CCNY: variants seen among roughly 807,000 people sequenced by gnomAD.
CCNY encodes the protein cyclin Y, also known as cyclin-Y.
Under a neutral mutation model 42.8 loss-of-function variants are expected in CCNY, and 19 were observed. That is an observed-to-expected ratio of 0.44 (90% CI 0.31 to 0.65). The LOEUF (loss-of-function observed/expected upper bound fraction) is 0.65, where lower values mean the gene tolerates loss of function less well. Ranked by LOEUF, CCNY falls within the 30% of genes least tolerant of loss-of-function variation. The pLI is 0.07. For synonymous variants in CCNY, 165 were observed against 162.7 expected, an observed-to-expected ratio of 1.01 and a Z score of -0.11; for missense variants, 370 against 437.3, an observed-to-expected ratio of 0.85 and a Z score of 1.37.
rs3003986 is a variant in CCNY, at chr10:35,403,792, G to A, written c.154+66585G>A. Among the ~76,000 whole-genome samples, 1,420 of 152,346 alleles carry A rather than the reference G, an allele frequency of 9.3e-3. 15 individuals carry two copies. The highest frequency in any genetic ancestry group is 0.015 in the Non-Finnish European group (1,027 of 68,028). The stretch of plus-strand genomic sequence containing the variant: ...CTGAGAGATAGTGGAGGGAGGCAGA[G>A]CGGTAGCCTCAATGATAGATGTGGG... On this transcript the variant is annotated intron_variant, in intron 1 of 9. Coordinates refer to ENST00000374704, the MANE Select transcript of CCNY (RefSeq NM_145012.6).
Position 35,569,065 on chromosome 10 carries a change from C to T in CCNY, c.921C>T (p.Arg307=), listed in dbSNP as rs1286704143. Residue 307 remains arginine, a synonymous_variant, in exon 10 of 10, where the codon CGC becomes CGT. Coordinates refer to ENST00000374704, the MANE Select transcript of CCNY (RefSeq NM_145012.6). ...ERAHKLEAIS[R]LCEDKYKDLR... ...TTCTTGCCCCTCAGGCCATCTCTCG[C>T]CTCTGCGAGGACAAGTACAAGGACC... 4 of 1,611,504 alleles carry T rather than the reference C, an allele frequency of 2.5e-6. No individual in the cohort carries two copies. The South Asian group carries it at 4.4e-5, about 18-fold the overall frequency.
intron 3 of CCNY, among the ~76,000 whole-genome samples, chr10:35,299,895 T>C (rs111945582): frequency 1.6e-3 from 238 of 152,360 alleles, no homozygotes; most frequent in African/African-American, 5.2e-3. Flanking sequence ...ATATTCTCCA[T>C]TGGTGAATAA....
chr10:35,263,230 T>A lies in CCNY; in HGVS notation c.-9+12604T>A, dbSNP rs12257782. On this transcript the variant is annotated intron_variant, in intron 3 of 11. Coordinates refer to the CCNY transcript ENST00000374706. ...AAATTAGCCAGGCGTGGTGGCGGGC[T>A]CCTGTGGTCCCAGCTACTCAGGAGG... 1.1e-3 allele frequency among the ~76,000 whole-genome samples: 173 copies of A among 151,124 alleles called. 2 individuals carry two copies. The highest frequency in any genetic ancestry group is 9.9e-3 in the East Asian group (51 of 5,132).
At chr10:35,402,553 G>T (rs1361446160) in intron 1 of CCNY, among the ~76,000 whole-genome samples, 3 of 152,156 alleles carry the variant, frequency 2.0e-5, no homozygotes, top group Non-Finnish European at 4.4e-5. Context: ...GTAAGTTGAG[G>T]TCTCCGTGAT....
In CCNY at chr10:35,544,055, T is replaced by G. The variant is rs184947381; in HGVS notation, c.580-8964T>G. On this transcript the variant is annotated intron_variant, in intron 7 of 9. Transcript: ENST00000374704. The stretch of plus-strand genomic sequence containing the variant: ...TACAAGAGTCCAAAGTTTAAAAAAT[T>G]TTTAAAGTTTATAAAGTTATAGTAA... Among the ~76,000 whole-genome samples the G allele has an allele frequency of 3.9e-5, 6 of 152,374 alleles. No homozygotes were observed. In the East Asian group the frequency reaches 9.6e-4, roughly 24 times the overall value.
At chr10:35,335,240 T>C (rs993914306), upstream of CCNY, among the ~76,000 whole-genome samples, 1 of 152,110 alleles carries the variant, frequency 6.6e-6, no homozygotes, top group Non-Finnish European at 1.5e-5. Flanking sequence ...TCTACTTCTC[T>C]CCCAGCCAGG....
At chr10:35,283,289 G>C (rs1050512399) in intron 3 of CCNY, among the ~76,000 whole-genome samples, 5 of 152,132 alleles carry the variant, frequency 3.3e-5, no homozygotes, top group Non-Finnish European at 7.3e-5. Context: ...GAGATATGTG[G>C]ATAAAAATAT....
intron 2 of CCNY, among the ~76,000 whole-genome samples, chr10:35,493,169 C>A (rs1170511750): frequency 6.6e-6 from 1 of 152,156 alleles, no homozygotes; most frequent in African/African-American, 2.4e-5. Flanking sequence ...CAGATGAAAT[C>A]ATTTAGACCC....
chr10:35,506,934 T>C (rs1840227170), intron 3 of CCNY, among the ~76,000 whole-genome samples: 2 of 152,212 alleles, frequency 1.3e-5, no homozygotes, highest in South Asian at 4.1e-4. Flanking sequence ...GAAGGAGCTG[T>C]TCTCATTTTA....
intron 3 of CCNY, among the ~76,000 whole-genome samples, chr10:35,312,382 CAAA>C (rs35909291): frequency 8.2e-3 from 504 of 61,428 alleles, no homozygotes; most frequent in East Asian, 0.032. Context: ...CTCTGTGTCA[CAAA>C]AAAAAAAAAA....
intron 2 of CCNY, among the ~76,000 whole-genome samples, chr10:35,485,928 C>T (rs1347571254): frequency 6.6e-6 from 1 of 152,136 alleles, no homozygotes; most frequent in Admixed American, 6.6e-5. Context: ...CCCAGGGTCT[C>T]TTGTTTACCC....
At chr10:35,497,875 G>A (rs942113903) in intron 2 of CCNY, among the ~76,000 whole-genome samples, 10 of 152,120 alleles carry the variant, frequency 6.6e-5, no homozygotes, top group African/African-American at 2.4e-4. Flanking sequence ...GGTGGAACTG[G>A]GTACTAAAAG....
At chr10:35,332,662 T>A (rs1264152458), upstream of CCNY, among the ~76,000 whole-genome samples, 1 of 152,190 alleles carries the variant, frequency 6.6e-6, no homozygotes, top group African/African-American at 2.4e-5. Flanking sequence ...TGGAGTGCAG[T>A]GGCACGATCT....
chr10:35,498,079 G>A (rs1379693886), intron 2 of CCNY, among the ~76,000 whole-genome samples: 3 of 152,096 alleles, frequency 2.0e-5, no homozygotes, highest in African/African-American at 2.4e-5. Context: ...TGCACAGGGC[G>A]AGTCCTCTCC....
chr10:35,374,084 T>G (rs1489815171), intron 1 of CCNY, among the ~76,000 whole-genome samples: 2 of 152,216 alleles, frequency 1.3e-5, no homozygotes, highest in Non-Finnish European at 2.9e-5. Flanking sequence ...TTACAGCGTT[T>G]TCCCAATTAA....
At chr10:35,314,829 T>TC (rs1362463211) in intron 3 of CCNY, 1 of 152,180 alleles carries the variant, frequency 6.6e-6, no homozygotes, top group African/African-American at 2.4e-5. Flanking sequence ...ATGCCTGTAA[T>TC]CCTAGCACTT....
At chr10:35,250,452 C>T (rs1341656298) in intron 2 of CCNY, 1 of 152,170 alleles carries the variant, frequency 6.6e-6, no homozygotes, top group African/African-American at 2.4e-5. Context: ...ATATGGTGGT[C>T]CATGTATCCT....
intron 1 of CCNY, among the ~76,000 whole-genome samples, chr10:35,465,623 C>G (rs1313653507): frequency 1.3e-5 from 2 of 152,142 alleles, no homozygotes; most frequent in African/African-American, 4.8e-5. Context: ...CACAGCTTTT[C>G]TTCTTCAACT....
chr10:35,406,299 G>A (rs1381491192), intron 1 of CCNY, among the ~76,000 whole-genome samples: 1 of 150,266 alleles, frequency 6.7e-6, no homozygotes, highest in Non-Finnish European at 1.5e-5. Flanking sequence ...CAGGGTCACA[G>A]GACAATAGTG....
Sources: allele counts gnomAD v4.1 joint callset (sites outside exome capture counted in the v4.1 genomes callset), GRCh38; gene constraint gnomAD v4.1.1; transcripts MANE v1.5; gene names NCBI Gene and HGNC (gene_info 2026-07-23, HGNC 2026-07-21).